FAXC: variants seen among roughly 807,000 people sequenced by gnomAD.
FAXC encodes failed axon connections homolog, metaxin like GST domain containing.
FAXC carries 10 observed loss-of-function variants against 41.9 expected under a neutral mutation model. The ratio of observed to expected loss-of-function variants is 0.24; its 90% CI spans 0.15 to 0.41. FAXC has a LOEUF of 0.41. FAXC is among the 10% of genes least tolerant of loss of function. The pLI, the probability that FAXC is intolerant of heterozygous loss-of-function variation, is 1.00. For missense variants in FAXC, 399 were observed against 510.9 expected (o/e 0.78, Z 2.11); for synonymous variants, 183 against 183.8 (o/e 1.00, Z 0.03).
At chr6:99,321,638 C>T (rs1772590838) in intron 4 of FAXC, among the ~76,000 whole-genome samples, 2 of 152,236 alleles carry the variant, frequency 1.3e-5, no homozygotes, top group South Asian at 4.1e-4. Flanking sequence ...ACTTTTAATG[C>T]TGTTTTGAAT....
At chr6:99,295,733 CTA>C (rs1771466091) in intron 4 of FAXC, among the ~76,000 whole-genome samples, 2 of 152,184 alleles carry the variant, frequency 1.3e-5, no homozygotes, top group South Asian at 4.1e-4. Flanking sequence ...ATATAATGTC[CTA>C]TATCTTATGA....
At chr6:99,305,909 A>T (rs79375231) in intron 4 of FAXC, among the ~76,000 whole-genome samples, 1,894 of 152,276 alleles carry the variant, frequency 0.012, 21 homozygotes, top group Middle Eastern at 0.02. Context: ...CAAATGGAAC[A>T]GACAAGGTCA....
intron 1 of FAXC, among the ~76,000 whole-genome samples, chr6:99,346,442 A>T (rs1289698307): frequency 6.6e-6 from 1 of 152,184 alleles, no homozygotes; most frequent in Non-Finnish European, 1.5e-5. Context: ...GCTGGAGTGC[A>T]GTGGCACCAT....
At chr6:99,285,892 C>G (rs1420948599) in intron 5 of FAXC, among the ~76,000 whole-genome samples, 1 of 152,180 alleles carries the variant, frequency 6.6e-6, no homozygotes, top group Non-Finnish European at 1.5e-5. Flanking sequence ...TCAAAACATT[C>G]TGTACAACTT....
At chr6:99,319,267 C>G (rs1772497657) in intron 4 of FAXC, among the ~76,000 whole-genome samples, 1 of 152,134 alleles carries the variant, frequency 6.6e-6, no homozygotes, top group South Asian at 2.1e-4. Flanking sequence ...GACATGGTGG[C>G]GGGCGCCTGT....
At chr6:99,343,391 T>C (rs9399142) in intron 1 of FAXC, among the ~76,000 whole-genome samples, 76,788 of 152,006 alleles carry the variant, frequency 0.51, 19,734 homozygotes, top group East Asian at 0.6. Context: ...ATTTACCTGC[T>C]AGGACAAGCT....
At position 99,276,405 on chromosome 6, in the gene FAXC, G is replaced by C. The variant is rs1264337319; in HGVS notation, c.*4759C>G. 1 of 152,158 alleles carries C rather than the reference G, an allele frequency of 6.6e-6. No homozygotes were observed. Among genetic ancestry groups the C allele is most frequent in the Non-Finnish European group, 1.5e-5 (1 of 68,034 alleles). The allele number at this position is 152,158 out of a possible 1,614,324, so 9.4% of individuals were successfully genotyped here. A position where few individuals can be genotyped will look rare whatever the true frequency, so the allele number is the denominator to read the frequency against. On this transcript the variant is annotated 3_prime_UTR_variant, in exon 6 of 6. Transcript: ENST00000389677. Reference sequence around the variant, plus strand: ...GTGGGTTTCAGGGCTGAAAGGAAGCGCACTTGGCCCTGAACTCATTTTGAT... The same window carrying C: ...GTGGGTTTCAGGGCTGAAAGGAAGCCCACTTGGCCCTGAACTCATTTTGAT...
intron 4 of FAXC, among the ~76,000 whole-genome samples, chr6:99,314,211 G>A (rs1187393149): frequency 1.3e-5 from 2 of 150,438 alleles, no homozygotes; most frequent in African/African-American, 4.9e-5. Flanking sequence ...GCCTGACCCC[G>A]CCCCTCTCCA....
chr6:99,271,582 AT>A lies in FAXC; in HGVS notation c.*9581del, dbSNP rs1257627958. 2.0e-5 allele frequency: 3 copies of A among 152,146 alleles called. No homozygotes were observed. Among genetic ancestry groups the A allele is most frequent in the African/African-American group, 7.2e-5 (3 of 41,428 alleles). The allele number at this position is 152,146 out of a possible 1,614,324, so 9.4% of individuals were successfully genotyped here. On this transcript the variant is annotated 3_prime_UTR_variant, in exon 6 of 6. Transcript: ENST00000389677. ...GGATCATTTCAGATTTCCAGTTTTG[AT>A]TTTGGGATACTCAACTGGTATAATG...
chr6:99,319,337 TG>T (rs1402202928), intron 4 of FAXC, among the ~76,000 whole-genome samples: 1 of 146,202 alleles, frequency 6.8e-6, no homozygotes, highest in Non-Finnish European at 1.5e-5. Context: ...AAGCGGAGCT[TG>T]CAGTGAGCCG....
intron 4 of FAXC, among the ~76,000 whole-genome samples, chr6:99,311,150 G>T (rs590983): frequency 4.7e-4 from 71 of 152,142 alleles, no homozygotes; most frequent in Non-Finnish European, 7.8e-4. Flanking sequence ...CTTCAGCAGG[G>T]GTGAGTAGCA....
chr6:99,330,151 C>T (rs1044174233), intron 3 of FAXC, among the ~76,000 whole-genome samples: 5 of 152,036 alleles, frequency 3.3e-5, no homozygotes, highest in Non-Finnish European at 7.4e-5. Flanking sequence ...CGAGCCACCA[C>T]GACTGGCCCT....
rs181830077 is a variant in FAXC at position 99,308,891 on chromosome 6, G to A, written c.823+14553C>T. On this transcript the variant is annotated intron_variant, in intron 4 of 5. Transcript: ENST00000389677. Reference sequence around the variant, plus strand: ...TTTTTTCCAATTTTTTAAAATTTTCGTTTATTATATAAGTTGAATCATTTA... The same window carrying A: ...TTTTTTCCAATTTTTTAAAATTTTCATTTATTATATAAGTTGAATCATTTA... Among the ~76,000 whole-genome samples, 1,185 of 152,174 alleles carry A rather than the reference G, an allele frequency of 7.8e-3. 15 individuals carry two copies. Among genetic ancestry groups the A allele is most frequent in the African/African-American group, 0.026 (1,061 of 41,518 alleles).
chr6:99,328,914 T>G (rs1360133040), intron 3 of FAXC, among the ~76,000 whole-genome samples: 2 of 152,256 alleles, frequency 1.3e-5, no homozygotes, highest in Non-Finnish European at 2.9e-5. Context: ...AAAAAGGCTT[T>G]GCTTTTGAGC....
At chr6:99,307,241 G>C (rs1771961381) in intron 4 of FAXC, among the ~76,000 whole-genome samples, 1 of 152,200 alleles carries the variant, frequency 6.6e-6, no homozygotes, top group Non-Finnish European at 1.5e-5. Context: ...TAAGGGAAGA[G>C]CATCTGCTAC....
intron 4 of FAXC, among the ~76,000 whole-genome samples, chr6:99,302,748 T>A (rs1446702473): frequency 2.0e-5 from 3 of 151,922 alleles, no homozygotes; most frequent in African/African-American, 7.3e-5. Flanking sequence ...CAGCAGGAGG[T>A]AGGGGTCACT....
Position 99,333,501 on chromosome 6 carries a change from A to G in FAXC, c.449T>C (p.Ile150Thr), listed in dbSNP as rs369206621. The G allele has an allele frequency of 6.2e-7, 1 of 1,613,648 alleles. No individual in the cohort carries two copies. The highest frequency in any genetic ancestry group is 1.3e-5 in the African/African-American group (1 of 74,890). The part of the protein sequence containing the change: ...KLSAQGKMPW[I>T]EYNHEKVSGT... ...AGAAACTTTTTCATGATTATATTCA[A>G]TCCAAGGCATTTTCCCTTGAGCAGA... Residue 150 changes from isoleucine (I) to threonine (T), a missense_variant, in exon 3 of 6, where the codon ATT (isoleucine) becomes ACT (threonine). Coordinates refer to ENST00000389677, the MANE Select transcript of FAXC (RefSeq NM_032511.4).
intron 1 of FAXC, 115 bp from the exon 2 acceptor site, chr6:99,343,148 T>C (rs1773482492): frequency 3.3e-6 from 3 of 899,180 alleles, no homozygotes; most frequent in East Asian, 2.7e-5. Context: ...AGCAGATCTG[T>C]TTGTCACAGG....
rs866504878 is a variant in FAXC, at chr6:99,293,708, G to C, written c.824-1888C>G. Among the ~76,000 whole-genome samples the C allele has an allele frequency of 5.3e-4, 49 of 92,064 alleles. No individual in the cohort carries two copies. The East Asian group carries it at 6.5e-3, about 12-fold the overall frequency. The allele number at this position is 92,064 out of a possible 152,430, so 60.4% of individuals were successfully genotyped here. On this transcript the variant is annotated intron_variant, in intron 4 of 5. Transcript: ENST00000389677. ...TGTGTGTGTGTGTGTGTGTGTGTGT[G>C]TGTGTCTGTGTGTGTGTGTGTGTGT...
Sources: allele counts gnomAD v4.1 joint callset (sites outside exome capture counted in the v4.1 genomes callset), GRCh38; gene constraint gnomAD v4.1.1; transcripts MANE v1.5; gene names NCBI Gene and HGNC (gene_info 2026-07-23, HGNC 2026-07-21).